The following PLB1 variants were observed in gnomAD, a reference collection of about 807,000 sequenced individuals.
The protein encoded by PLB1 is phospholipase B1, also known as phospholipase B1, membrane-associated.
Under a neutral mutation model 227.4 loss-of-function variants are expected in PLB1, and 242 were observed. The ratio of observed to expected loss-of-function variants is 1.06; its 90% CI spans 0.96 to 1.18. The LOEUF (loss-of-function observed/expected upper bound fraction) is 1.18, where lower values mean the gene tolerates loss of function less well. Ranked by LOEUF, PLB1 falls within the 50% of genes most tolerant of loss-of-function variation. The pLI is 0.00. For synonymous variants in PLB1, 757 were observed against 682.2 expected (o/e 1.11, Z -1.71); for missense variants, 1,858 against 1,816.3 (o/e 1.02, Z -0.42).
Position 28,598,066 on chromosome 2 carries a change from G to T in PLB1, c.2365+18G>T, listed in dbSNP as rs1480720713. On this transcript the variant is annotated intron_variant, in intron 34 of 57. Coordinates refer to ENST00000327757, the MANE Select transcript of PLB1 (RefSeq NM_153021.5). The stretch of plus-strand genomic sequence containing the variant: ...CTTACCTAGTAAGTAACCATCAGGG[G>T]CTTGAATCTGTCTACTGTTCCACCC... 4.4e-6 allele frequency: 7 copies of T among 1,606,132 alleles called. No individual in the cohort carries two copies.
intron 14 of PLB1, 66 bp downstream of exon 14, chr2:28,543,334 C>G: frequency 6.5e-7 from 1 of 1,543,458 alleles, no homozygotes; most frequent in African/African-American, 1.4e-5. Context: ...CCACTGAGCC[C>G]ACCGTGCTGA....
intron 9 of PLB1, among the ~76,000 whole-genome samples, chr2:28,533,955 A>G (rs949111990): frequency 6.6e-5 from 10 of 152,216 alleles, no homozygotes; most frequent in African/African-American, 2.4e-4. Flanking sequence ...GTTAAAGCTA[A>G]AATATGTATC....
chr2:28,573,792 G>A (rs1185179674), intron 21 of PLB1, among the ~76,000 whole-genome samples: 1 of 152,194 alleles, frequency 6.6e-6, no homozygotes, highest in Non-Finnish European at 1.5e-5. Context: ...CAGACTCTAC[G>A]AGGTGGGGCT....
intron 17 of PLB1, among the ~76,000 whole-genome samples, chr2:28,559,360 C>G (rs1250109310): frequency 6.6e-6 from 1 of 152,238 alleles, no homozygotes. Flanking sequence ...CCAGGTGATT[C>G]CGATGCAGGC....
At chr2:28,629,006 G>T in intron 52 of PLB1, 88 bp from the exon 53 acceptor site, 1 of 1,081,818 alleles carries the variant, frequency 9.2e-7, no homozygotes, top group South Asian at 1.5e-5. Flanking sequence ...GTAAAATTGA[G>T]GGGAGTGGGA....
Position 28,529,723 on chromosome 2 carries a change from C to T in PLB1, c.417-5C>T. 6.2e-7 allele frequency: 1 copy of T among 1,613,956 alleles called. No individual in the cohort carries two copies. Among genetic ancestry groups the T allele is most frequent in the Non-Finnish European group, 8.5e-7 (1 of 1,179,836 alleles). ...ATTTTTCTCTGTTTCCCTCCCTCTG[C>T]ACAGAGACTTGTGGATTCAGGCTCA... On this transcript the variant is annotated splice_polypyrimidine_tract_variant and splice_region_variant and intron_variant, in intron 7 of 57. Transcript: ENST00000327757.
chr2:28,602,217 T>C (rs1437919012), intron 38 of PLB1, among the ~76,000 whole-genome samples: 1 of 152,154 alleles, frequency 6.6e-6, no homozygotes, highest in Non-Finnish European at 1.5e-5. Context: ...CTTGGTGGAA[T>C]TGTCTAATGT....
intron 2 of PLB1, among the ~76,000 whole-genome samples, chr2:28,517,870 CTTT>C (rs751699033): frequency 4.5e-5 from 6 of 133,820 alleles, no homozygotes; most frequent in Admixed American, 7.6e-5. Flanking sequence ...AGAACTTTCT[CTTT>C]TTTTTTTTTT....
intron 43 of PLB1, among the ~76,000 whole-genome samples, chr2:28,609,778 A>G (rs1171888279): frequency 1.3e-5 from 2 of 152,228 alleles, no homozygotes. Flanking sequence ...TTCAAGCTCT[A>G]CAGGCATGAA....
intron 56 of PLB1, among the ~76,000 whole-genome samples, chr2:28,637,757 T>C (rs541057072): frequency 2.2e-4 from 34 of 152,324 alleles, no homozygotes; most frequent in South Asian, 1.2e-3. Flanking sequence ...TTCTCCTGGA[T>C]TGCCCTTCTC....
chr2:28,617,805 C>T lies in PLB1; in HGVS notation c.3256+18C>T, dbSNP rs1488285042. Reference sequence around the variant, plus strand: ...AACCTCTGGTGAGTGAAAACATCATCATCTCCTTCAATTAAGGGCCTTGCC... The same window carrying T: ...AACCTCTGGTGAGTGAAAACATCATTATCTCCTTCAATTAAGGGCCTTGCC... On this transcript the variant is annotated intron_variant, in intron 45 of 57. Transcript: ENST00000327757. The T allele has an allele frequency of 3.1e-6, 5 of 1,608,656 alleles. No individual in the cohort carries two copies. In the Admixed American group the frequency reaches 6.7e-5, roughly 21 times the overall value.
chr2:28,579,714 C>T lies in PLB1; in HGVS notation c.1566+7C>T. Reference sequence around the variant, plus strand: ...TGATTTCTGCAATGATCTGGTAGGTCTCCAGGCACTTTACTCAAGACTCAC... The same window carrying T: ...TGATTTCTGCAATGATCTGGTAGGTTTCCAGGCACTTTACTCAAGACTCAC... On this transcript the variant is annotated splice_region_variant and intron_variant, in intron 23 of 57. Coordinates refer to ENST00000327757, the MANE Select transcript of PLB1 (RefSeq NM_153021.5). 1 of 1,608,848 alleles carries T rather than the reference C, an allele frequency of 6.2e-7. No individual in the cohort carries two copies. The highest frequency in any genetic ancestry group is 8.5e-7 in the Non-Finnish European group (1 of 1,175,440).
chr2:28,560,686 T>C lies in PLB1; in HGVS notation c.1148-2355T>C, dbSNP rs567773842. On this transcript the variant is annotated intron_variant, in intron 17 of 57. Coordinates refer to ENST00000327757, the MANE Select transcript of PLB1 (RefSeq NM_153021.5). ...TATATTGATAGATGCTACAACATAA[T>C]TGAACCTTGAAAACATTATGCAAAG... is the stretch of plus-strand genomic sequence containing the variant. Among the ~76,000 whole-genome samples, 43 of 152,254 alleles carry C rather than the reference T, an allele frequency of 2.8e-4. No individual in the cohort carries two copies. The East Asian group carries it at 7.3e-3, about 26-fold the overall frequency.
At chr2:28,547,219 A>G (rs60025026) in intron 14 of PLB1, among the ~76,000 whole-genome samples, 4,101 of 87,858 alleles carry the variant, frequency 0.047, 239 homozygotes, top group African/African-American at 0.16. Context: ...AAAAAAAAGA[A>G]AAAAAAAAAA....
At chr2:28,587,578 C>G (rs1200222495) in intron 26 of PLB1, among the ~76,000 whole-genome samples, 1 of 151,748 alleles carries the variant, frequency 6.6e-6, no homozygotes, top group Non-Finnish European at 1.5e-5. Context: ...CCGTTGCGCT[C>G]CAGCCTGGGT....
intron 36 of PLB1, 78 bp from the exon 37 acceptor site, chr2:28,601,174 G>A: frequency 1.6e-6 from 2 of 1,223,962 alleles, no homozygotes; most frequent in South Asian, 1.2e-5. Flanking sequence ...GTTATAGAGG[G>A]TTGAATGGAT....
Position 28,550,167 on chromosome 2 carries a change from G to A in PLB1, c.1083+83G>A, listed in dbSNP as rs1313654918. On this transcript the variant is annotated intron_variant, in intron 16 of 57. Coordinates refer to ENST00000327757, the MANE Select transcript of PLB1 (RefSeq NM_153021.5). ...TTGCTGAATCTTTCGAACCTTCCAC[G>A]TGGTTTTTTTTTTTTTTTCTTTTGA... 2.8e-5 allele frequency: 30 copies of A among 1,077,356 alleles called. No homozygotes were observed. The South Asian group carries it at 2.9e-4, about 10-fold the overall frequency. The allele number at this position is 1,077,356 out of a possible 1,614,324, so 66.7% of individuals were successfully genotyped here.
At chr2:28,569,701 C>T (rs1677665519) in intron 20 of PLB1, among the ~76,000 whole-genome samples, 1 of 152,080 alleles carries the variant, frequency 6.6e-6, no homozygotes, top group Admixed American at 6.5e-5. Flanking sequence ...CGTGGTGGCT[C>T]ACGCCTGTAA....
rs545786118 is a variant in PLB1, at chr2:28,605,891, C to T, written c.3000C>T (p.Cys1000=). Residue 1000 remains cysteine, a synonymous_variant, in exon 42 of 58, where the codon TGC becomes TGT. Coordinates refer to ENST00000327757, the MANE Select transcript of PLB1 (RefSeq NM_153021.5). ...ATACGTCCTTCTTTGCCCCAGACTGCATCCACCCAAATCAGAAATTCCACT... is the reference window on the plus strand; with the variant it reads ...ATACGTCCTTCTTTGCCCCAGACTGTATCCACCCAAATCAGAAATTCCACT... ...LPDTSFFAPD[C]IHPNQKFHSQ... 6.6e-5 allele frequency: 106 copies of T among 1,613,928 alleles called. 1 individual carries two copies. The South Asian group carries it at 1.1e-3, about 17-fold the overall frequency.
Sources: allele counts gnomAD v4.1 joint callset (sites outside exome capture counted in the v4.1 genomes callset), GRCh38; gene constraint gnomAD v4.1.1; transcripts MANE v1.5; gene names NCBI Gene and HGNC (gene_info 2026-07-23, HGNC 2026-07-21).